The following CCDC91 variants were observed in gnomAD, a reference collection of about 807,000 sequenced individuals.
CCDC91 encodes coiled-coil domain containing 91, also known as coiled-coil domain-containing protein 91.
In CCDC91, 48 loss-of-function variants were observed where a neutral mutation model predicts 63.2. The ratio of observed to expected loss-of-function variants is 0.76; its 90% CI spans 0.60 to 0.97. The LOEUF is 0.97. Among genes scored for constraint, CCDC91 ranks in the 50% least tolerant of loss-of-function variants. The probability of loss-of-function intolerance (pLI) is 0.00; values close to 1 mark genes in which losing one functional copy is unlikely to be tolerated. For synonymous variants in CCDC91, 167 were observed against 165.8 expected, an observed-to-expected ratio of 1.01 and a Z score of -0.06; for missense variants, 500 against 494.6, an observed-to-expected ratio of 1.01 and a Z score of -0.10.
intron 12 of CCDC91, among the ~76,000 whole-genome samples, chr12:28,490,317 CCAA>C (rs1397802340): frequency 6.6e-6 from 1 of 151,806 alleles, no homozygotes; most frequent in African/African-American, 2.4e-5. Context: ...TTTTATGTAA[CCAA>C]CACATATTAA....
chr12:28,454,843 T>A (rs1301263795), intron 11 of CCDC91, among the ~76,000 whole-genome samples: 1 of 152,024 alleles, frequency 6.6e-6, no homozygotes, highest in African/African-American at 2.4e-5. Context: ...TTCCTACCAG[T>A]TTCAGTATAG....
intron 8 of CCDC91, among the ~76,000 whole-genome samples, chr12:28,397,735 G>C (rs1946375550): frequency 6.6e-6 from 1 of 151,958 alleles, no homozygotes; most frequent in African/African-American, 2.4e-5. Flanking sequence ...TAAAGGATAA[G>C]TACAATATGC....
intron 7 of CCDC91, among the ~76,000 whole-genome samples, chr12:28,378,404 T>G (rs1210343842): frequency 6.6e-6 from 1 of 152,108 alleles, no homozygotes; most frequent in Non-Finnish European, 1.5e-5. Context: ...TGTACCGTTT[T>G]ATGAAGGAGA....
At chr12:28,420,846 T>C (rs892492664) in intron 8 of CCDC91, among the ~76,000 whole-genome samples, 4 of 152,012 alleles carry the variant, frequency 2.6e-5, no homozygotes, top group African/African-American at 9.7e-5. Context: ...ACATTTAGAA[T>C]CCGCAAAATT....
At chr12:28,192,810 T>C (rs1407959041) in intron 1 of CCDC91, among the ~76,000 whole-genome samples, 9 of 152,340 alleles carry the variant, frequency 5.9e-5, no homozygotes, top group African/African-American at 1.9e-4. Context: ...AAAGTAATTT[T>C]TATTATATTG....
chr12:28,521,893 C>T (rs891771183), intron 12 of CCDC91, among the ~76,000 whole-genome samples: 13 of 151,930 alleles, frequency 8.6e-5, no homozygotes, highest in African/African-American at 3.1e-4. Flanking sequence ...TTGTGTATGG[C>T]AAACCAGCCT....
chr12:28,539,471 TGTTTTG>T (rs1234004309), intron 12 of CCDC91, among the ~76,000 whole-genome samples: 6 of 152,320 alleles, frequency 3.9e-5, no homozygotes, highest in Non-Finnish European at 8.8e-5. Flanking sequence ...TCTATATCTC[TGTTTTG>T]GTACCAGTAC....
chr12:28,272,052 T>A (rs1440948769), intron 3 of CCDC91, among the ~76,000 whole-genome samples: 3 of 151,916 alleles, frequency 2.0e-5, no homozygotes, highest in Non-Finnish European at 4.4e-5. Flanking sequence ...AACGTAGATA[T>A]TACTCCGCCA....
chr12:28,208,734 T>C (rs1487607709), intron 1 of CCDC91, among the ~76,000 whole-genome samples: 3 of 152,178 alleles, frequency 2.0e-5, no homozygotes, highest in African/African-American at 7.2e-5. Flanking sequence ...GACTTAACTT[T>C]TGTCTCTTGT....
At chr12:28,291,326 A>G (rs1186423354) in intron 3 of CCDC91, among the ~76,000 whole-genome samples, 1 of 152,220 alleles carries the variant, frequency 6.6e-6, no homozygotes, top group South Asian at 2.1e-4. Flanking sequence ...ACAAAACTTC[A>G]TGGCTCAATT....
intron 12 of CCDC91, among the ~76,000 whole-genome samples, chr12:28,504,999 T>C (rs773744599): frequency 1.3e-5 from 2 of 151,982 alleles, no homozygotes; most frequent in Non-Finnish European, 2.9e-5. Flanking sequence ...TTTCCAATAG[T>C]ACTGAAAATA....
chr12:28,543,699 C>T (rs542686085), intron 12 of CCDC91, among the ~76,000 whole-genome samples: 3 of 152,084 alleles, frequency 2.0e-5, no homozygotes, highest in African/African-American at 7.2e-5. Context: ...GATATCTCCC[C>T]TGAACTGCAG....
intron 1 of CCDC91, among the ~76,000 whole-genome samples, chr12:28,249,798 G>A (rs1412468630): frequency 6.6e-6 from 1 of 151,662 alleles, no homozygotes; most frequent in African/African-American, 2.4e-5. Flanking sequence ...ATTGAAAACA[G>A]GCCTGTGCTC....
intron 8 of CCDC91, among the ~76,000 whole-genome samples, chr12:28,421,343 G>T (rs1381742384): frequency 6.6e-6 from 1 of 151,926 alleles, no homozygotes; most frequent in Admixed American, 6.6e-5. Context: ...ATAGTTTTTA[G>T]ATCCTCTCCC....
chr12:28,381,543 T>A (rs1379768391), intron 7 of CCDC91, among the ~76,000 whole-genome samples: 1 of 152,142 alleles, frequency 6.6e-6, no homozygotes, highest in East Asian at 1.9e-4. Context: ...CATAAAGTTG[T>A]CACATTTCTG....
At chr12:28,248,893 C>G (rs1406942535) in intron 1 of CCDC91, among the ~76,000 whole-genome samples, 1 of 152,192 alleles carries the variant, frequency 6.6e-6, no homozygotes, top group Non-Finnish European at 1.5e-5. Flanking sequence ...AGAGCCAAGT[C>G]TCTGAGAGCC....
Position 28,420,528 on chromosome 12 carries a change from A to G in CCDC91, c.762+29117A>G, listed in dbSNP as rs117298078. On this transcript the variant is annotated intron_variant, in intron 8 of 12. Coordinates refer to ENST00000536442, the MANE Select transcript of CCDC91 (RefSeq NM_018318.5). The stretch of plus-strand genomic sequence containing the variant: ...GAGTGCTAGCTGATTGACAGCACAT[A>G]AGACACAGTCCTTACCCTCAAGGTT... Among the ~76,000 whole-genome samples, 1,234 of 152,276 alleles carry G rather than the reference A, an allele frequency of 8.1e-3. 6 individuals are homozygous for G. Among genetic ancestry groups the G allele is most frequent in the Middle Eastern group, 0.037 (11 of 294 alleles).
chr12:28,396,622 A>G (rs1444308481), intron 8 of CCDC91, among the ~76,000 whole-genome samples: 3 of 148,036 alleles, frequency 2.0e-5, no homozygotes, highest in Non-Finnish European at 4.5e-5. Flanking sequence ...GCAGCAGTAG[A>G]TGCTCATTGA....
At chr12:28,491,967 G>A (rs1181987797) in intron 12 of CCDC91, among the ~76,000 whole-genome samples, 2 of 151,072 alleles carry the variant, frequency 1.3e-5, no homozygotes, top group East Asian at 1.9e-4. Context: ...GTTGGGGTGT[G>A]TGTGTGTGTG....
Sources: allele counts gnomAD v4.1 joint callset (sites outside exome capture counted in the v4.1 genomes callset), GRCh38; gene constraint gnomAD v4.1.1; transcripts MANE v1.5; gene names NCBI Gene and HGNC (gene_info 2026-07-23, HGNC 2026-07-21).